Variants in DOCK11 observed in about 807,000 individuals in gnomAD.
DOCK11 encodes the protein dedicator of cytokinesis 11.
A neutral mutation model predicts 169.1 loss-of-function variants in DOCK11; 70 were observed. That is an observed-to-expected ratio of 0.41 (90% confidence interval 0.34 to 0.51). The LOEUF is 0.51. Among genes scored for constraint, DOCK11 ranks in the 20% least tolerant of loss-of-function variants. The pLI is 0.10. For synonymous variants in DOCK11, 529 were observed against 541.3 expected (o/e 0.98, Z 0.32); for missense variants, 1,166 against 1,538.8 (o/e 0.76, Z 4.05).
intron 6 of DOCK11, among the ~76,000 whole-genome samples, chrX:118,558,188 G>C (rs765982289): frequency 9.1e-6 from 1 of 109,982 alleles, no homozygotes; most frequent in Non-Finnish European, 1.9e-5. Context: ...GGCCAGGCTG[G>C]TCTTGAACTT....
intron 7 of DOCK11, among the ~76,000 whole-genome samples, chrX:118,562,506 G>GGCTC (rs1406356460): frequency 9.0e-6 from 1 of 111,163 alleles, no homozygotes; most frequent in Non-Finnish European, 1.9e-5. Context: ...CAAATCTTTT[G>GGCTC]GCTCTTGATT....
At chrX:118,583,335 AG>A (rs1286989744) in intron 14 of DOCK11, among the ~76,000 whole-genome samples, 1 of 110,642 alleles carries the variant, frequency 9.0e-6, no homozygotes, top group Non-Finnish European at 1.9e-5. Context: ...TGTAGATGAT[AG>A]GTTGATGGGT....
chrX:118,547,199 A>G (rs1322074560), intron 6 of DOCK11, among the ~76,000 whole-genome samples: 2 of 111,491 alleles, frequency 1.8e-5, no homozygotes, highest in African/African-American at 6.5e-5. Flanking sequence ...ATTCAATATA[A>G]AATCATGTGG....
chrX:118,533,148 C>CA (rs1371060521), intron 1 of DOCK11, among the ~76,000 whole-genome samples: 1 of 110,795 alleles, frequency 9.0e-6, no homozygotes, highest in East Asian at 2.8e-4. Context: ...CCCATCACCA[C>CA]ATCTGGCTAA....
In DOCK11 at chrX:118,680,513, C is replaced by T. The variant is rs2016718778; in HGVS notation, c.5492C>T (p.Ala1831Val). The change falls in exon 49 of 53, where the codon GCT (alanine) becomes GTT (valine). Residue 1831 changes from alanine to valine, a missense_variant. Physicochemically the swap from Ala to Val is moderately conservative, Grantham distance 64. Coordinates refer to ENST00000276202, the MANE Select transcript of DOCK11 (RefSeq NM_144658.4). ...VNAKELDPKY[A>V]HIQVTYVKPY... ...GCCAAAGAGCTTGATCCAAAATATG[C>T]TCATATACAAGTTACTTATGTGAAG... 2 of 1,196,801 alleles carry T rather than the reference C, an allele frequency of 1.7e-6. No individual in the cohort carries two copies. The highest frequency in any genetic ancestry group is 2.3e-6 in the Non-Finnish European group (2 of 888,347).
intron 20 of DOCK11, 140 bp from the exon 21 acceptor site, chrX:118,597,291 C>A: frequency 1.4e-6 from 1 of 739,346 alleles, no homozygotes; most frequent in Non-Finnish European, 2.0e-6. Context: ...TTCCCCAGTA[C>A]TCAGTTGCCC....
chrX:118,525,805 T>G (rs1474913164), intron 1 of DOCK11, among the ~76,000 whole-genome samples: 6 of 99,581 alleles, frequency 6.0e-5, no homozygotes, highest in African/African-American at 2.2e-4. Context: ...TAGAAAACTC[T>G]GGGGGAAAAC....
chrX:118,668,250 T>G (rs1221710690), intron 45 of DOCK11, among the ~76,000 whole-genome samples: 1 of 112,058 alleles, frequency 8.9e-6, no homozygotes, highest in Non-Finnish European at 1.9e-5. Context: ...CCTTATCAGA[T>G]TGAGGAAGAT....
chrX:118,593,075 T>C (rs2014051567), intron 19 of DOCK11, 139 bp from the exon 20 acceptor site: 1 of 566,765 alleles, frequency 1.8e-6, no homozygotes, highest in South Asian at 3.8e-5. Context: ...TGGAATATAT[T>C]TAAATGATAC....
At chrX:118,626,716 C>T (rs1229163673) in intron 32 of DOCK11, among the ~76,000 whole-genome samples, 1 of 112,379 alleles carries the variant, frequency 8.9e-6, no homozygotes, top group Non-Finnish European at 1.9e-5. Flanking sequence ...GTCATGTCAA[C>T]TGGCTGAATG....
chrX:118,638,066 G>A lies in DOCK11; in HGVS notation c.3954-14G>A, dbSNP rs771762457. The A allele has an allele frequency of 3.4e-6, 4 of 1,186,353 alleles. No homozygotes were observed. Among genetic ancestry groups the A allele is most frequent in the Non-Finnish European group, 3.4e-6 (3 of 875,724 alleles). ...GTTAATATATTACTAACATGCTATTGTTTTTCTTTCTAGAGTATGCTTGTT... is the reference window on the plus strand; with the variant it reads ...GTTAATATATTACTAACATGCTATTATTTTTCTTTCTAGAGTATGCTTGTT... On this transcript the variant is annotated splice_polypyrimidine_tract_variant and intron_variant, in intron 36 of 52. Coordinates refer to ENST00000276202, the MANE Select transcript of DOCK11 (RefSeq NM_144658.4).
chrX:118,663,483 C>T (rs1301054585), intron 45 of DOCK11, among the ~76,000 whole-genome samples: 1 of 110,557 alleles, frequency 9.0e-6, no homozygotes, highest in Non-Finnish European at 1.9e-5. Flanking sequence ...TCCTAAGAGA[C>T]AGGAGAAGGG....
intron 7 of DOCK11, among the ~76,000 whole-genome samples, chrX:118,563,380 G>A (rs1262785986): frequency 9.0e-6 from 1 of 110,970 alleles, no homozygotes; most frequent in Non-Finnish European, 1.9e-5. Flanking sequence ...GGAGTTTGAC[G>A]CTGCAGTGAG....
chrX:118,608,899 C>G (rs1465444396), intron 26 of DOCK11, among the ~76,000 whole-genome samples: 2 of 111,427 alleles, frequency 1.8e-5, no homozygotes, highest in Non-Finnish European at 3.8e-5. Context: ...ACATCAAGAG[C>G]AGGGTTGGGG....
chrX:118,537,350 G>A (rs1056717299), intron 1 of DOCK11, among the ~76,000 whole-genome samples: 1 of 111,413 alleles, frequency 9.0e-6, no homozygotes, highest in Non-Finnish European at 1.9e-5. Flanking sequence ...ATTCTATGAT[G>A]CCAGTGTTCA....
chrX:118,566,166 G>A lies in DOCK11; in HGVS notation c.855G>A (p.Thr285=), dbSNP rs771388742. Residue 285 remains threonine, a synonymous_variant, in exon 8 of 53, where the codon ACG becomes ACA. Coordinates refer to ENST00000276202, the MANE Select transcript of DOCK11 (RefSeq NM_144658.4). The part of the protein sequence containing the change: ...TDSLVQEKKE[T]VETAQDDETS... ...GTTTAGTTCAAGAAAAAAAGGAGACGGTAGAAACAGCACAAGGTCAGAATT... is the reference window on the plus strand; with the variant it reads ...GTTTAGTTCAAGAAAAAAAGGAGACAGTAGAAACAGCACAAGGTCAGAATT... 45 of 1,197,608 alleles carry A rather than the reference G, an allele frequency of 3.8e-5. No homozygotes were observed. Among genetic ancestry groups the A allele is most frequent in the African/African-American group, 1.6e-4 (9 of 56,430 alleles).
intron 45 of DOCK11, among the ~76,000 whole-genome samples, chrX:118,668,399 TG>T (rs1250086387): frequency 1.8e-5 from 2 of 111,352 alleles, no homozygotes; most frequent in Admixed American, 1.9e-4. Context: ...TATATTACAT[TG>T]TTTTTTTTTT....
intron 16 of DOCK11, among the ~76,000 whole-genome samples, chrX:118,586,425 CCAAA>C (rs766641228): frequency 9.0e-6 from 1 of 110,765 alleles, no homozygotes; most frequent in East Asian, 2.8e-4. Flanking sequence ...AGAGGAACTT[CCAAA>C]CACTTATAAA....
intron 1 of DOCK11, among the ~76,000 whole-genome samples, chrX:118,521,651 A>G (rs1332313350): frequency 8.9e-6 from 1 of 112,435 alleles, no homozygotes; most frequent in Non-Finnish European, 1.9e-5. Flanking sequence ...GTCAGAAGGA[A>G]AGTATTTGTA....
Sources: gnomAD v4.1 joint callset for allele counts (sites outside exome capture counted in the v4.1 genomes callset) on GRCh38, gnomAD v4.1.1 for gene constraint, MANE v1.5 for transcripts, NCBI Gene and HGNC (gene_info 2026-07-23, HGNC 2026-07-21) for gene names.